PTPRB: variants seen among roughly 807,000 people sequenced by gnomAD.
PTPRB encodes receptor-type tyrosine-protein phosphatase beta.
In PTPRB, 97 loss-of-function variants were observed where a neutral mutation model predicts 238.1. The ratio of observed to expected loss-of-function variants is 0.41; its 90% CI spans 0.35 to 0.48. The LOEUF (loss-of-function observed/expected upper bound fraction) is 0.48, where lower values mean the gene tolerates loss of function less well. PTPRB is among the 20% of genes least tolerant of loss of function. The pLI, the probability that PTPRB is intolerant of heterozygous loss-of-function variation, is 0.30. For synonymous variants in PTPRB, 970 were observed against 995.4 expected (o/e 0.97, Z 0.48); for missense variants, 2,292 against 2,681.9 (o/e 0.85, Z 3.21).
chr12:70,624,299 G>A (rs1428980001), intron 2 of PTPRB, among the ~76,000 whole-genome samples: 2 of 152,078 alleles, frequency 1.3e-5, no homozygotes, highest in Non-Finnish European at 2.9e-5. Context: ...GTAACCGAGT[G>A]CTGCGTATAT....
At chr12:70,579,695 C>CAAAAA (rs35887706) in intron 10 of PTPRB, among the ~76,000 whole-genome samples, 10 of 90,952 alleles carry the variant, frequency 1.1e-4, no homozygotes, top group Admixed American at 2.6e-4. Context: ...GACTCCATCT[C>CAAAAA]AAAAAAAAAA....
chr12:70,595,517 G>A (rs1205772637), intron 5 of PTPRB, among the ~76,000 whole-genome samples: 3 of 152,094 alleles, frequency 2.0e-5, no homozygotes, highest in Non-Finnish European at 2.9e-5. Context: ...CAAATGACAT[G>A]AAAGACATGT....
intron 3 of PTPRB, among the ~76,000 whole-genome samples, chr12:70,612,779 G>A (rs1018686442): frequency 6.6e-6 from 1 of 152,042 alleles, no homozygotes; most frequent in African/African-American, 2.4e-5. Flanking sequence ...TTGAGTCCAG[G>A]AGTTTGAGAC....
chr12:70,598,757 A>G (rs1214198879), intron 4 of PTPRB, among the ~76,000 whole-genome samples: 1 of 152,212 alleles, frequency 6.6e-6, no homozygotes, highest in Non-Finnish European at 1.5e-5. Context: ...TACATGTACT[A>G]TCAAGCCAGA....
intron 21 of PTPRB, among the ~76,000 whole-genome samples, chr12:70,551,085 G>A (rs187764043): frequency 4.6e-5 from 7 of 152,076 alleles, no homozygotes; most frequent in African/African-American, 1.2e-4. Context: ...TAGTAGAGAC[G>A]GAGTTTTACC....
intron 20 of PTPRB, among the ~76,000 whole-genome samples, chr12:70,553,439 G>C (rs1877202621): frequency 6.6e-6 from 1 of 152,166 alleles, no homozygotes; most frequent in African/African-American, 2.4e-5. Flanking sequence ...AAAGATAAGA[G>C]AAATCATGTC....
intron 3 of PTPRB, among the ~76,000 whole-genome samples, chr12:70,610,289 C>T (rs1290199505): frequency 6.6e-6 from 1 of 152,038 alleles, no homozygotes; most frequent in Non-Finnish European, 1.5e-5. Flanking sequence ...GGCTCTGCCT[C>T]CTCCTCCTCC....
intron 4 of PTPRB, among the ~76,000 whole-genome samples, chr12:70,598,149 G>A (rs1476401831): frequency 1.3e-5 from 2 of 152,144 alleles, no homozygotes; most frequent in Admixed American, 6.5e-5. Flanking sequence ...ATGTTCTAGG[G>A]TTTGACAGCC....
In PTPRB at chr12:70,622,591, C is replaced by A. The variant is rs762770156; in HGVS notation, c.507G>T (p.Gln169His). Residue 169 changes from glutamine to histidine, a missense_variant, in exon 3 of 34, where the codon CAG (glutamine) becomes CAT (histidine). This residue lies in a region of PTPRB where 1,205 missense variants were observed against 1,287.8 expected (regional missense o/e 0.94). Coordinates refer to ENST00000334414, the MANE Select transcript of PTPRB (RefSeq NM_001109754.4). ...VRSTRNTAPP[Q>H]ILTTFNAVPD... ...GAACTGCATTAAAGGTAGTGAGAAT[C>A]TGGGGTGGAGCCGTGTTTCTAGTGC... 1.9e-6 allele frequency: 3 copies of A among 1,591,482 alleles called. No individual in the cohort carries two copies. The highest frequency in any genetic ancestry group is 8.6e-7 in the Non-Finnish European group (1 of 1,168,024).
chr12:70,568,597 C>T (rs1251982102), intron 14 of PTPRB, among the ~76,000 whole-genome samples: 1 of 151,744 alleles, frequency 6.6e-6, no homozygotes, highest in Non-Finnish European at 1.5e-5. Context: ...GCGCCTGGCC[C>T]GAATGCCCAC....
At chr12:70,595,885 GTCCAGTCTGTCCACTGTATCCCACAAGC>G (rs1322781684) in intron 5 of PTPRB, among the ~76,000 whole-genome samples, 136 bp downstream of exon 5, 3 of 152,136 alleles carry the variant, frequency 2.0e-5, no homozygotes, top group Non-Finnish European at 4.4e-5. Flanking sequence ...CCTATTTTCA[GTCCAGTCTGTCCACTGTATCCCACAAGC>G]TCCTTTTAAA....
chr12:70,595,471 T>TA (rs928647449), intron 5 of PTPRB, among the ~76,000 whole-genome samples: 10 of 151,876 alleles, frequency 6.6e-5, no homozygotes, highest in South Asian at 2.1e-4. Context: ...TAAAGTATAA[T>TA]AAAAAAATTT....
At chr12:70,584,272 G>A (rs1354133530) in intron 9 of PTPRB, among the ~76,000 whole-genome samples, 2 of 152,150 alleles carry the variant, frequency 1.3e-5, no homozygotes, top group Non-Finnish European at 2.9e-5. Context: ...ATATATTGAT[G>A]TGTTCATATA....
intron 30 of PTPRB, 87 bp from the exon 31 acceptor site, chr12:70,534,738 G>T (rs768342985): frequency 5.7e-4 from 909 of 1,598,180 alleles, no homozygotes; most frequent in Non-Finnish European, 7.2e-4. Context: ...AACTCCTATG[G>T]GCTGAAACTA....
chr12:70,614,866 GT>G (rs1884611586), intron 3 of PTPRB, among the ~76,000 whole-genome samples: 1 of 152,146 alleles, frequency 6.6e-6, no homozygotes, highest in Non-Finnish European at 1.5e-5. Flanking sequence ...GTAGAGAAAT[GT>G]TACTTTGATA....
chr12:70,608,858 G>T (rs946440228), intron 4 of PTPRB: 1 of 673,798 alleles, frequency 1.5e-6, no homozygotes, highest in Non-Finnish European at 2.4e-6. Flanking sequence ...TAGCTAGTTG[G>T]CTGTTTTCAG....
At position 70,556,082 on chromosome 12, in the gene PTPRB, A is replaced by T; in HGVS notation, c.4781T>A (p.Ile1594Asn). The T allele has an allele frequency of 6.2e-7, 1 of 1,613,796 alleles. No homozygotes were observed. Among genetic ancestry groups the T allele is most frequent in the Non-Finnish European group, 8.5e-7 (1 of 1,179,754 alleles). ...ACCATCAAAGTCAGAATCAGGAGGG[A>T]TCCAAGAACAGGCAATGGCCGTGGA... The part of the protein sequence containing the change: ...QNSTAIACSW[I>N]PPDSDFDGYS... The change falls in exon 19 of 34, where the codon ATC (isoleucine) becomes AAC (asparagine). Residue 1594 changes from isoleucine to asparagine, a missense_variant. Ile to Asn is a moderately radical substitution (Grantham distance 149). This residue lies in a region of PTPRB where 683 missense variants were observed against 862.0 expected (regional missense o/e 0.79). Transcript: ENST00000334414.
chr12:70,589,938 G>T, intron 8 of PTPRB, 26 bp downstream of exon 8: 1 of 1,604,114 alleles, frequency 6.2e-7, no homozygotes, highest in Non-Finnish European at 8.5e-7. Flanking sequence ...TCTTCCATTG[G>T]TATTAACATC....
chr12:70,565,641 G>A (rs1879194282), intron 15 of PTPRB, among the ~76,000 whole-genome samples: 1 of 152,140 alleles, frequency 6.6e-6, no homozygotes, highest in African/African-American at 2.4e-5. Flanking sequence ...CGAGAAGCAT[G>A]CCTGATTCAT....
Sources: gnomAD v4.1 joint callset for allele counts (sites outside exome capture counted in the v4.1 genomes callset) on GRCh38, gnomAD v4.1.1 for gene constraint, gnomAD v4.1.1 regional missense constraint, MANE v1.5 for transcripts, NCBI Gene and HGNC (gene_info 2026-07-23, HGNC 2026-07-21) for gene names.